The following POF1B variants were observed in gnomAD, a reference collection of about 807,000 sequenced individuals.
The protein encoded by POF1B is POF1B actin binding protein.
Under a neutral mutation model 55.3 loss-of-function variants are expected in POF1B, and 53 were observed. The ratio of observed to expected loss-of-function variants is 0.96; its 90% CI spans 0.77 to 1.20. POF1B has a LOEUF of 1.20. POF1B is among the 50% of genes most tolerant of loss of function. The probability of loss-of-function intolerance (pLI) is 0.00; values close to 1 mark genes in which losing one functional copy is unlikely to be tolerated. For synonymous variants in POF1B, 188 were observed against 148.3 expected, an observed-to-expected ratio of 1.27 and a Z score of -1.95; for missense variants, 478 against 420.5, an observed-to-expected ratio of 1.14 and a Z score of -1.20.
At chrX:85,336,466 T>C (rs1444554051) in intron 6 of POF1B, among the ~76,000 whole-genome samples, 1 of 110,661 alleles carries the variant, frequency 9.0e-6, no homozygotes, top group East Asian at 2.9e-4. Flanking sequence ...CTCACCAGCA[T>C]GTGTTATTGC....
chrX:85,292,666 C>G (rs754011547), intron 15 of POF1B, among the ~76,000 whole-genome samples: 1 of 111,103 alleles, frequency 9.0e-6, no homozygotes, highest in Non-Finnish European at 1.9e-5. Context: ...CTGGTTCACT[C>G]TTGGGAGGGT....
chrX:85,294,820 A>G (rs1569279985), intron 15 of POF1B, among the ~76,000 whole-genome samples: 1 of 111,487 alleles, frequency 9.0e-6, no homozygotes, highest in African/African-American at 3.3e-5. Flanking sequence ...GTCTGGTAGT[A>G]TTTACCTGTG....
chrX:85,287,179 A>G (rs1324530692), intron 15 of POF1B, among the ~76,000 whole-genome samples: 1 of 111,445 alleles, frequency 9.0e-6, no homozygotes, highest in Non-Finnish European at 1.9e-5. Flanking sequence ...CTATGTTTCC[A>G]TGTTTTGAAA....
At position 85,379,283 on chromosome X, in the gene POF1B, G is replaced by T; in HGVS notation, c.172C>A (p.Pro58Thr). The part of the protein sequence containing the change: ...VYERVRTYSG[P>T]MNKVVQALDP... ...AAGGCCTGCACCACCTTGTTCATGGGCCCACTGTAGGTCCTCACTCGCTCA... is the reference window on the plus strand; with the variant it reads ...AAGGCCTGCACCACCTTGTTCATGGTCCCACTGTAGGTCCTCACTCGCTCA... The change falls in exon 2 of 17, where the codon CCC becomes ACC. Residue 58 changes from proline (P) to threonine (T), a missense_variant. Pro to Thr is a conservative substitution (Grantham distance 38, BLOSUM62 -1). Coordinates refer to ENST00000262753, the MANE Select transcript of POF1B (RefSeq NM_024921.4). The T allele has an allele frequency of 8.3e-7, 1 of 1,210,605 alleles. No individual in the cohort carries two copies. The highest frequency in any genetic ancestry group is 1.1e-6 in the Non-Finnish European group (1 of 895,211).
chrX:85,365,895 G>T (rs1302401944), intron 3 of POF1B, among the ~76,000 whole-genome samples: 1 of 111,097 alleles, frequency 9.0e-6, no homozygotes, highest in Non-Finnish European at 1.9e-5. Flanking sequence ...CGGGATGGGG[G>T]TTCTGTGCTG....
chrX:85,289,341 G>A (rs1459077660), intron 15 of POF1B, among the ~76,000 whole-genome samples: 1 of 111,629 alleles, frequency 9.0e-6, no homozygotes, highest in East Asian at 2.8e-4. Flanking sequence ...GCAATTCCTA[G>A]GAAACCAAGC....
chrX:85,308,905 T>A (rs1457903174), intron 9 of POF1B, among the ~76,000 whole-genome samples: 1 of 111,097 alleles, frequency 9.0e-6, no homozygotes, highest in Non-Finnish European at 1.9e-5. Flanking sequence ...CTCGAACTCC[T>A]GACCTCAAGT....
intron 7 of POF1B, among the ~76,000 whole-genome samples, chrX:85,320,746 A>G (rs1240452680): frequency 1.8e-5 from 2 of 111,729 alleles, no homozygotes; most frequent in Non-Finnish European, 3.8e-5. Context: ...ACAATAAAAA[A>G]TGATAAAGGG....
chrX:85,332,066 T>C (rs1269073816), intron 6 of POF1B, among the ~76,000 whole-genome samples: 2 of 111,869 alleles, frequency 1.8e-5, no homozygotes, highest in African/African-American at 6.5e-5. Flanking sequence ...GCAATCAACA[T>C]GGAAGTGCAG....
chrX:85,333,185 G>A (rs1933009005), intron 6 of POF1B, among the ~76,000 whole-genome samples: 2 of 110,193 alleles, frequency 1.8e-5, no homozygotes, highest in Admixed American at 9.7e-5. Context: ...ATTGTTTTCT[G>A]CTTAAATACC....
intron 7 of POF1B, among the ~76,000 whole-genome samples, chrX:85,326,325 C>A (rs1180647596): frequency 9.0e-6 from 1 of 111,119 alleles, no homozygotes; most frequent in African/African-American, 3.3e-5. Flanking sequence ...ATGCGTTTGC[C>A]CGGCAGTGGT....
rs143694046 is a variant in POF1B, at chrX:85,312,550, C to T, written c.957+1882G>A. Among the ~76,000 whole-genome samples the T allele has an allele frequency of 4.7e-3, 524 of 111,337 alleles. 2 individuals carry two copies. The highest frequency in any genetic ancestry group is 0.016 in the African/African-American group (498 of 30,680). On this transcript the variant is annotated intron_variant, in intron 9 of 16. Coordinates refer to ENST00000262753, the MANE Select transcript of POF1B (RefSeq NM_024921.4). ...TTGGTCTATCTCTCTGTTTTGGTAC[C>T]GGTACCATGCTGTTTTTGTTACTGA...
At chrX:85,284,179 G>T (rs993460282) in intron 15 of POF1B, among the ~76,000 whole-genome samples, 2 of 111,427 alleles carry the variant, frequency 1.8e-5, no homozygotes, top group Non-Finnish European at 1.9e-5. Flanking sequence ...TGGAAGAACA[G>T]TCCATGCTCA....
chrX:85,286,405 A>G (rs1932056153), intron 15 of POF1B, among the ~76,000 whole-genome samples: 1 of 111,714 alleles, frequency 9.0e-6, no homozygotes, highest in African/African-American at 3.2e-5. Flanking sequence ...AATGTGAGGT[A>G]AATAGAAAAC....
rs184764584 is a variant in POF1B at position 85,354,533 on chromosome X, G to T, written c.439-3082C>A. 1.4e-4 allele frequency among the ~76,000 whole-genome samples: 16 copies of T among 111,118 alleles called. No individual in the cohort carries two copies. In the East Asian group the frequency reaches 4.3e-3, roughly 30 times the overall value. On this transcript the variant is annotated intron_variant, in intron 4 of 16. Coordinates refer to ENST00000262753, the MANE Select transcript of POF1B (RefSeq NM_024921.4). ...GAACGGTCATTCCCTGTTTGCAGAT[G>T]ACATGATTGTATATCTAGAAAACCC...
chrX:85,335,538 T>C (rs1263978641), intron 6 of POF1B, among the ~76,000 whole-genome samples: 1 of 69,740 alleles, frequency 1.4e-5, no homozygotes, highest in Admixed American at 1.3e-4. Flanking sequence ...AAATAATTGG[T>C]CTCCTTATTT....
intron 7 of POF1B, among the ~76,000 whole-genome samples, chrX:85,327,524 T>C (rs1404737661): frequency 2.7e-5 from 3 of 111,898 alleles, no homozygotes; most frequent in Non-Finnish European, 5.6e-5. Context: ...CATGAGTACA[T>C]ACGTGCAATT....
At chrX:85,306,915 T>C (rs1932587042) in intron 11 of POF1B, among the ~76,000 whole-genome samples, 1 of 112,014 alleles carries the variant, frequency 8.9e-6, no homozygotes, top group Non-Finnish European at 1.9e-5. Flanking sequence ...TCTACAATTC[T>C]GGTCACCCAA....
chrX:85,331,659 A>C (rs1454847593), intron 6 of POF1B, among the ~76,000 whole-genome samples: 1 of 110,830 alleles, frequency 9.0e-6, no homozygotes, highest in African/African-American at 3.3e-5. Context: ...GTCTCCCCAC[A>C]GTGTTATAGA....
Sources: allele counts gnomAD v4.1 joint callset (sites outside exome capture counted in the v4.1 genomes callset), GRCh38; gene constraint gnomAD v4.1.1; transcripts MANE v1.5; gene names NCBI Gene and HGNC (gene_info 2026-07-23, HGNC 2026-07-21).